The following CD48 variants were observed in gnomAD, a reference collection of about 807,000 sequenced individuals.
The protein encoded by CD48 is CD48 molecule, also known as CD48 antigen.
Under a neutral mutation model 22.0 loss-of-function variants are expected in CD48, and 20 were observed. The observed-to-expected ratio is 0.91, with a 90% CI of 0.64 to 1.32. The LOEUF (loss-of-function observed/expected upper bound fraction) is 1.32. Ranked by LOEUF, CD48 falls within the 40% of genes most tolerant of loss-of-function variation. The probability of loss-of-function intolerance (pLI) is 0.00; values close to 1 mark genes in which losing one functional copy is unlikely to be tolerated. For missense variants in CD48, 307 were observed against 286.5 expected (o/e 1.07, Z -0.52); for synonymous variants, 110 against 110.1 (o/e 1.00, Z 0.01).
At chr1:160,691,419 A>T (rs935925671) in intron 1 of CD48, among the ~76,000 whole-genome samples, 2 of 152,154 alleles carry the variant, frequency 1.3e-5, no homozygotes, top group African/African-American at 4.8e-5. Context: ...AAGCATTGAG[A>T]TGTTTATGTG....
At chr1:160,681,128 A>AC in intron 3 of CD48, 74 bp downstream of exon 3, 2 of 1,610,094 alleles carry the variant, frequency 1.2e-6, no homozygotes, top group Non-Finnish European at 1.7e-6. Context: ...GCTGAATAGG[A>AC]CCCCCAGCCT....
chr1:160,681,493 G>A (rs182578868), intron 2 of CD48, 25 bp from the exon 3 acceptor site: 16 of 1,608,308 alleles, frequency 9.9e-6, no homozygotes, highest in Middle Eastern at 1.6e-4. Flanking sequence ...GATGTTATAA[G>A]ATGAGACAGT....
chr1:160,684,288 A>C (rs1287144630), intron 2 of CD48: 3 of 154,114 alleles, frequency 1.9e-5, no homozygotes. Context: ...TATCAAAAGA[A>C]TCTTACCTAA....
At chr1:160,698,870 C>T (rs1662523550) in intron 1 of CD48, 2 of 152,562 alleles carry the variant, frequency 1.3e-5, no homozygotes, top group Non-Finnish European at 2.9e-5. Flanking sequence ...AAATCTTAAC[C>T]CTGTCACTTG....
intron 1 of CD48, among the ~76,000 whole-genome samples, chr1:160,694,921 C>A (rs1378061005): frequency 6.6e-6 from 1 of 152,258 alleles, no homozygotes; most frequent in Non-Finnish European, 1.5e-5. Context: ...TTCATTCTCG[C>A]CTTGGAATTC....
At chr1:160,709,539 CCTG>C (rs1662890188) in intron 1 of CD48, among the ~76,000 whole-genome samples, 3 of 152,126 alleles carry the variant, frequency 2.0e-5, no homozygotes, top group African/African-American at 7.2e-5. Flanking sequence ...TCTACTTCAT[CCTG>C]CTAAGTGTTG....
intron 1 of CD48, chr1:160,691,810 AT>A: frequency 5.4e-6 from 2 of 368,714 alleles, no homozygotes; most frequent in Non-Finnish European, 9.7e-6. Flanking sequence ...GAGCGTGGTC[AT>A]TGAGGACAAG....
intron 1 of CD48, among the ~76,000 whole-genome samples, chr1:160,688,742 C>CG (rs906133974): frequency 6.6e-6 from 1 of 152,000 alleles, no homozygotes; most frequent in African/African-American, 2.4e-5. Context: ...GCTTGGGGGG[C>CG]GGGTAATGCC....
chr1:160,695,855 T>C (rs1174137825), intron 1 of CD48, among the ~76,000 whole-genome samples: 1 of 152,138 alleles, frequency 6.6e-6, no homozygotes, highest in East Asian at 1.9e-4. Context: ...TTGGATCAAA[T>C]AGCTACTTTA....
intron 1 of CD48, among the ~76,000 whole-genome samples, chr1:160,707,294 C>T (rs868414233): frequency 5.3e-5 from 8 of 151,798 alleles, no homozygotes; most frequent in African/African-American, 1.7e-4. Context: ...AATGGTAGGG[C>T]GGTATGTAAA....
intron 1 of CD48, among the ~76,000 whole-genome samples, chr1:160,700,088 C>T (rs904077432): frequency 6.6e-6 from 1 of 152,088 alleles, no homozygotes; most frequent in Non-Finnish European, 1.5e-5. Context: ...GCCTTTTGAG[C>T]AGAAGTATAA....
chr1:160,686,785 T>C (rs1194774694), intron 1 of CD48: 1 of 152,098 alleles, frequency 6.6e-6, no homozygotes, highest in East Asian at 1.9e-4. Context: ...TAGGTGTGGG[T>C]GACAGACATC....
rs1126644 is a variant in CD48 at position 160,678,759 on chromosome 1, C to G, written c.*293G>C. ...CAACTTCAGGAATTCAGTTAATTGA[C>G]AATTATATCAAATGTTTATTTTAAA... On this transcript the variant is annotated 3_prime_UTR_variant, in exon 4 of 4. Coordinates refer to ENST00000368046, the MANE Select transcript of CD48 (RefSeq NM_001778.4). 4.0e-6 allele frequency: 1 copy of G among 247,486 alleles called. No individual in the cohort carries two copies. Among genetic ancestry groups the G allele is most frequent in the African/African-American group, 2.3e-5 (1 of 43,930 alleles). The allele number at this position is 247,486 out of a possible 1,614,324, so 15.3% of individuals were successfully genotyped here.
chr1:160,680,254 G>T (rs575919000), intron 3 of CD48, among the ~76,000 whole-genome samples: 1 of 152,246 alleles, frequency 6.6e-6, no homozygotes, highest in East Asian at 1.9e-4. Flanking sequence ...ATTGTGGAGG[G>T]TATCTGACTC....
chr1:160,701,559 T>C (rs911641422), intron 1 of CD48, among the ~76,000 whole-genome samples: 6 of 151,984 alleles, frequency 3.9e-5, no homozygotes, highest in Non-Finnish European at 8.8e-5. Context: ...CTGGGAGGGG[T>C]TTGGTAATCC....
intron 1 of CD48, among the ~76,000 whole-genome samples, chr1:160,694,062 G>A (rs950465018): frequency 5.9e-5 from 9 of 152,256 alleles, no homozygotes; most frequent in Admixed American, 1.3e-4. Context: ...CTAATCTTGG[G>A]AAGATCACGT....
At chr1:160,680,819 A>C in intron 3 of CD48, 1 of 1,207,608 alleles carries the variant, frequency 8.3e-7, no homozygotes, top group Non-Finnish European at 1.0e-6. Flanking sequence ...CGGCTGTCTA[A>C]TGAAGCCCCT....
chr1:160,681,749 G>T (rs1027146661), intron 2 of CD48, among the ~76,000 whole-genome samples: 2 of 152,142 alleles, frequency 1.3e-5, no homozygotes, highest in Non-Finnish European at 2.9e-5. Flanking sequence ...GGTTATGATC[G>T]TGTGTGAGCC....
chr1:160,706,326 G>A (rs963135604), intron 1 of CD48, among the ~76,000 whole-genome samples: 2 of 151,948 alleles, frequency 1.3e-5, no homozygotes, highest in South Asian at 2.1e-4. Flanking sequence ...CACCTGCTTC[G>A]GCCTCCCAAA....
Sources: allele counts gnomAD v4.1 joint callset (sites outside exome capture counted in the v4.1 genomes callset), GRCh38; gene constraint gnomAD v4.1.1; transcripts MANE v1.5; gene names NCBI Gene and HGNC (gene_info 2026-07-23, HGNC 2026-07-21).